Variants in ANXA8 observed in about 807,000 individuals in gnomAD.
The protein encoded by ANXA8 is annexin A8, also known as VAC-beta.
ANXA8 carries 9 observed loss-of-function variants against 26.8 expected under a neutral mutation model. The ratio of observed to expected loss-of-function variants is 0.34; its 90% CI spans 0.20 to 0.59. The LOEUF (loss-of-function observed/expected upper bound fraction) is 0.59, where lower values mean the gene tolerates loss of function less well. Ranked by LOEUF, ANXA8 falls within the 20% of genes least tolerant of loss-of-function variation. The pLI is 0.84. For missense variants in ANXA8, 83 were observed against 238.5 expected (o/e 0.35, Z 4.29); for synonymous variants, 39 against 94.8 (o/e 0.41, Z 3.42).
the ANXA8 span, among the ~76,000 whole-genome samples, chr10:47,678,753 T>C: frequency 6.6e-6 from 1 of 151,686 alleles, no homozygotes; most frequent in East Asian, 1.9e-4. Flanking sequence ...GGAAACAGCG[T>C]CTGGGTGGCC....
At chr10:47,600,213 C>T in the ANXA8 span, among the ~76,000 whole-genome samples, 10 of 149,320 alleles carry the variant, frequency 6.7e-5, no homozygotes, top group Non-Finnish European at 1.5e-4. Flanking sequence ...TGGCTCGTAA[C>T]CAAAACGTCC....
the ANXA8 span, among the ~76,000 whole-genome samples, chr10:47,766,218 G>C: frequency 2.9e-5 from 3 of 104,616 alleles, no homozygotes; most frequent in Non-Finnish European, 5.8e-5. Flanking sequence ...AGCTGCCCCA[G>C]CTTCTGCCCA....
chr10:47,689,430 C>A, the ANXA8 span, among the ~76,000 whole-genome samples: 1 of 151,876 alleles, frequency 6.6e-6, no homozygotes, highest in Non-Finnish European at 1.5e-5. Flanking sequence ...CCTGCCTCGG[C>A]CTCCCAAAGA....
At chr10:47,521,175 G>A in the ANXA8 span, among the ~76,000 whole-genome samples, 42 of 126,316 alleles carry the variant, frequency 3.3e-4, no homozygotes, top group Non-Finnish European at 5.9e-4. Context: ...GGCCAAGTGA[G>A]ACATACATAA....
chr10:47,917,068 C>A, the ANXA8 span, among the ~76,000 whole-genome samples: 1,499 of 43,790 alleles, frequency 0.034, 35 homozygotes, highest in Middle Eastern at 0.083. Flanking sequence ...GAGGCGGAGA[C>A]AAGAGCTGTG....
the ANXA8 span, among the ~76,000 whole-genome samples, chr10:47,694,743 G>T: frequency 6.6e-6 from 1 of 151,806 alleles, no homozygotes; most frequent in African/African-American, 2.4e-5. Context: ...TGAAGTAACA[G>T]ATGTATTCCA....
the ANXA8 span, among the ~76,000 whole-genome samples, chr10:47,670,475 C>G: frequency 8.1e-4 from 124 of 152,242 alleles, 1 homozygote; most frequent in Middle Eastern, 0.01. Context: ...TTTTATATTC[C>G]TATTAGCAAT....
the ANXA8 span, among the ~76,000 whole-genome samples, chr10:47,658,955 T>A: frequency 2.0e-5 from 3 of 149,512 alleles, no homozygotes; most frequent in Non-Finnish European, 4.4e-5. Flanking sequence ...CACTGCAAGC[T>A]CCGCCTCCCA....
the ANXA8 span, among the ~76,000 whole-genome samples, chr10:47,958,990 C>T: frequency 1.1e-4 from 16 of 150,242 alleles, no homozygotes; most frequent in Middle Eastern, 3.4e-3. Context: ...ATCATATCAA[C>T]GATGTTATCC....
chr10:47,674,068 A>G, the ANXA8 span, among the ~76,000 whole-genome samples: 2 of 151,536 alleles, frequency 1.3e-5, no homozygotes. Context: ...TCTGTTTGGT[A>G]TTTTTGTCAT....
the ANXA8 span, among the ~76,000 whole-genome samples, chr10:47,525,909 A>G: frequency 3.9e-5 from 5 of 127,242 alleles, 1 homozygote; most frequent in Non-Finnish European, 6.5e-5. Flanking sequence ...GGCTCAAGCG[A>G]TTCTCCTGCC....
the ANXA8 span, among the ~76,000 whole-genome samples, chr10:47,646,779 T>C: frequency 6.6e-6 from 1 of 152,018 alleles, no homozygotes; most frequent in Non-Finnish European, 1.5e-5. Flanking sequence ...AGTCTGATTC[T>C]CTCATAACTA....
the ANXA8 span, among the ~76,000 whole-genome samples, chr10:47,711,618 A>G: frequency 4.1e-5 from 6 of 147,562 alleles, no homozygotes; most frequent in Non-Finnish European, 1.5e-5. Flanking sequence ...AAGCTGACAA[A>G]CATGTATCAG....
upstream of ANXA8, chr10:47,484,550 G>T: frequency 2.1e-6 from 3 of 1,459,146 alleles, no homozygotes; most frequent in Non-Finnish European, 2.7e-6. Context: ...TGCCATACTG[G>T]TCCACTGTCA....
At chr10:47,930,031 C>T in the ANXA8 span, among the ~76,000 whole-genome samples, 1 of 152,160 alleles carries the variant, frequency 6.6e-6, no homozygotes, top group African/African-American at 2.4e-5. Context: ...TCCCACTACC[C>T]TTCCCCTCAC....
At chr10:47,588,316 C>T in the ANXA8 span, among the ~76,000 whole-genome samples, 3 of 109,016 alleles carry the variant, frequency 2.8e-5, no homozygotes, top group Admixed American at 8.9e-5. Flanking sequence ...CACTGGTCAG[C>T]GGTACTACAA....
chr10:47,699,877 C>T, the ANXA8 span, among the ~76,000 whole-genome samples: 79 of 151,776 alleles, frequency 5.2e-4, no homozygotes, highest in Middle Eastern at 0.014. Flanking sequence ...ACACAAATAA[C>T]AAACAGAGGG....
the ANXA8 span, among the ~76,000 whole-genome samples, chr10:47,674,107 A>G: frequency 2.0e-5 from 3 of 151,152 alleles, no homozygotes; most frequent in Non-Finnish European, 4.4e-5. Flanking sequence ...TATTTTTGGG[A>G]CGAAGAACAT....
At chr10:47,694,715 G>A in the ANXA8 span, among the ~76,000 whole-genome samples, 52 of 151,974 alleles carry the variant, frequency 3.4e-4, 1 homozygote, top group Non-Finnish European at 5.3e-4. Context: ...CACCGCGCCC[G>A]GCCCATACTG....
Sources: gnomAD v4.1 joint callset for allele counts (sites outside exome capture counted in the v4.1 genomes callset) on GRCh38, gnomAD v4.1.1 for gene constraint, MANE v1.5 for transcripts, NCBI Gene and HGNC (gene_info 2026-07-23, HGNC 2026-07-21) for gene names.